Variants in MEMO1 observed in about 807,000 individuals in gnomAD.
MEMO1 encodes the protein mediator of cell motility 1.
MEMO1 carries 6 observed loss-of-function variants against 45.2 expected under a neutral mutation model. That is an observed-to-expected ratio of 0.13 (90% CI 0.07 to 0.26). The LOEUF is 0.26. Ranked by LOEUF, MEMO1 falls within the 10% of genes least tolerant of loss-of-function variation. MEMO1 has a pLI of 1.00. For synonymous variants in MEMO1, 78 were observed against 124.3 expected (o/e 0.63, Z 2.48); for missense variants, 184 against 370.5 (o/e 0.50, Z 4.13).
intron 7 of MEMO1, among the ~76,000 whole-genome samples, chr2:31,891,717 T>C (rs1326406724): frequency 1.3e-5 from 2 of 152,166 alleles, no homozygotes; most frequent in African/African-American, 2.4e-5. Context: ...TAAAAGATCT[T>C]AACTCCCACT....
In MEMO1 at chr2:31,892,114, A is replaced by C; in HGVS notation, c.458T>G (p.Ile153Ser). The stretch of plus-strand genomic sequence containing the variant: ...CAGAGCTCCAACCAGTACAGGAATA[A>C]TGGTAAACTCATCCTTATGGCTTAA... ...AMESHKDEFT[I>S]IPVLVGALSE... Residue 153 changes from isoleucine to serine, a missense_variant, in exon 7 of 10, where the codon ATT becomes AGT. Ile to Ser is a moderately radical substitution (Grantham distance 142). Around this residue, in one of 3 missense-constraint regions of MEMO1, gnomAD observed 97 missense variants for 209.3 expected, o/e 0.46. Coordinates refer to ENST00000404530, the MANE Select transcript of MEMO1 (RefSeq NM_001301833.4). The C allele has an allele frequency of 1.2e-6, 2 of 1,605,588 alleles. No individual in the cohort carries two copies. The highest frequency in any genetic ancestry group is 1.7e-6 in the Non-Finnish European group (2 of 1,176,774).
intron 6 of MEMO1, among the ~76,000 whole-genome samples, chr2:31,912,563 T>C (rs1253262888): frequency 6.6e-6 from 1 of 151,130 alleles, no homozygotes; most frequent in East Asian, 1.9e-4. Flanking sequence ...TATTATGCAT[T>C]TCAATATTAA....
At chr2:31,935,779 T>G (rs1033326976) in intron 3 of MEMO1, among the ~76,000 whole-genome samples, 1 of 152,148 alleles carries the variant, frequency 6.6e-6, no homozygotes, top group African/African-American at 2.4e-5. Flanking sequence ...CGATTCTACA[T>G]GTATGTGGAA....
chr2:31,989,141 G>T (rs1214386003), intron 2 of MEMO1, among the ~76,000 whole-genome samples: 2 of 151,982 alleles, frequency 1.3e-5, no homozygotes, highest in Non-Finnish European at 2.9e-5. Context: ...AGGAGGCAGA[G>T]GTTGCGGTGA....
chr2:31,889,948 T>C (rs1484452491), intron 7 of MEMO1, among the ~76,000 whole-genome samples: 1 of 152,116 alleles, frequency 6.6e-6, no homozygotes, highest in Non-Finnish European at 1.5e-5. Flanking sequence ...AACTATCACC[T>C]GGAAATCCTA....
At chr2:31,988,811 G>A (rs1671589297) in intron 2 of MEMO1, among the ~76,000 whole-genome samples, 2 of 152,182 alleles carry the variant, frequency 1.3e-5, no homozygotes, top group Admixed American at 6.5e-5. Context: ...AGCATCTTAT[G>A]AGAGTTGCAA....
chr2:31,930,811 A>ATTTTTTTTTTTTTTTT (rs376524077), intron 4 of MEMO1, among the ~76,000 whole-genome samples: 1 of 126,086 alleles, frequency 7.9e-6, no homozygotes, highest in African/African-American at 3.1e-5. Context: ...ACGCCTGGCA[A>ATTTTTTTTTTTTTTTT]TTTTTTTTTT....
At chr2:31,966,281 T>C (rs755547385) in intron 2 of MEMO1, among the ~76,000 whole-genome samples, 8 of 152,342 alleles carry the variant, frequency 5.3e-5, no homozygotes, top group Middle Eastern at 3.4e-3. Flanking sequence ...AGACTTATTT[T>C]AGGATGAACA....
At chr2:31,997,254 A>G (rs536232670) in intron 2 of MEMO1, among the ~76,000 whole-genome samples, 6 of 152,340 alleles carry the variant, frequency 3.9e-5, no homozygotes, top group African/African-American at 1.4e-4. Context: ...AAGGTACATG[A>G]TAACAGCAGT....
chr2:31,913,968 G>A (rs765092767), intron 6 of MEMO1, among the ~76,000 whole-genome samples: 2 of 152,204 alleles, frequency 1.3e-5, no homozygotes, highest in African/African-American at 2.4e-5. Flanking sequence ...TCTAGACTTC[G>A]ATATTAAGAG....
chr2:31,937,468 TGAA>T (rs1372429398), intron 3 of MEMO1, among the ~76,000 whole-genome samples: 1 of 152,224 alleles, frequency 6.6e-6, no homozygotes, highest in East Asian at 1.9e-4. Flanking sequence ...CTCAGTAACT[TGAA>T]GAACTAAATA....
chr2:31,874,918 C>CAT (rs139337995), intron 8 of MEMO1, among the ~76,000 whole-genome samples: 49,166 of 151,234 alleles, frequency 0.33, 8,237 homozygotes, highest in East Asian at 0.56. Flanking sequence ...AGCAAGTGTA[C>CAT]ATATATATAT....
At chr2:32,004,565 C>G (rs924118900) in intron 2 of MEMO1, among the ~76,000 whole-genome samples, 1 of 152,188 alleles carries the variant, frequency 6.6e-6, no homozygotes, top group Non-Finnish European at 1.5e-5. Context: ...AGCTCTTACA[C>G]ACTGCTGGTG....
chr2:31,937,501 T>C (rs752698051), intron 3 of MEMO1, among the ~76,000 whole-genome samples: 13 of 152,208 alleles, frequency 8.5e-5, no homozygotes, highest in Non-Finnish European at 1.5e-4. Flanking sequence ...GATTGTCTCA[T>C]GATATCCAGT....
rs114986849 is a variant in MEMO1 at position 31,984,036 on chromosome 2, G to A, written c.61+26151C>T. Among the ~76,000 whole-genome samples the A allele has an allele frequency of 6.8e-3, 1,036 of 152,306 alleles. 18 individuals are homozygous for A. Among genetic ancestry groups the A allele is most frequent in the Middle Eastern group, 0.054 (16 of 294 alleles). On this transcript the variant is annotated intron_variant, in intron 2 of 9. Transcript: ENST00000404530. ...CCATACGGATATAAATAAGTTGAGT[G>A]GGGGAGGGGCAGAGACAAATCTTCC...
chr2:31,942,948 C>G (rs546139982), intron 3 of MEMO1, among the ~76,000 whole-genome samples: 13 of 152,280 alleles, frequency 8.5e-5, no homozygotes, highest in African/African-American at 2.9e-4. Flanking sequence ...TCTGTAGATA[C>G]TCATTTACTA....
chr2:31,935,018 C>T (rs2148274974), intron 3 of MEMO1, among the ~76,000 whole-genome samples: 1 of 152,212 alleles, frequency 6.6e-6, no homozygotes, highest in East Asian at 1.9e-4. Flanking sequence ...CATTTACTGA[C>T]TACTTCCTAT....
intron 6 of MEMO1, among the ~76,000 whole-genome samples, chr2:31,914,956 C>CT (rs1419506094): frequency 2.3e-4 from 23 of 100,892 alleles, no homozygotes; most frequent in South Asian, 1.2e-3. Context: ...GACCCTGTCT[C>CT]TTTTTAAAAA....
intron 3 of MEMO1, among the ~76,000 whole-genome samples, chr2:31,933,926 A>T (rs555512096): frequency 6.6e-6 from 1 of 152,156 alleles, no homozygotes; most frequent in Non-Finnish European, 1.5e-5. Flanking sequence ...TTACCAGGAG[A>T]CCTATTTTAT....
Sources: gnomAD v4.1 joint callset for allele counts (sites outside exome capture counted in the v4.1 genomes callset) on GRCh38, gnomAD v4.1.1 for gene constraint, gnomAD v4.1.1 regional missense constraint, MANE v1.5 for transcripts, NCBI Gene and HGNC (gene_info 2026-07-23, HGNC 2026-07-21) for gene names.